MARCHF1: variants seen among roughly 807,000 people sequenced by gnomAD.
The protein encoded by MARCHF1 is membrane associated ring-CH-type finger 1.
In MARCHF1, 40 loss-of-function variants were observed where a neutral mutation model predicts 54.2. That is an observed-to-expected ratio of 0.74 (90% CI 0.57 to 0.96). The LOEUF (loss-of-function observed/expected upper bound fraction) is 0.96. MARCHF1 is among the 40% of genes least tolerant of loss of function. The pLI is 0.00. For synonymous variants in MARCHF1, 236 were observed against 236.3 expected, an observed-to-expected ratio of 1.00 and a Z score of 0.01; for missense variants, 586 against 656.5, an observed-to-expected ratio of 0.89 and a Z score of 1.17.
intron 2 of MARCHF1, among the ~76,000 whole-genome samples, chr4:164,078,740 T>A (rs986284232): frequency 2.0e-5 from 3 of 152,212 alleles, no homozygotes; most frequent in African/African-American, 7.2e-5. Context: ...TTATCTTGTT[T>A]ATTAAGAGAT....
chr4:164,155,529 A>C (rs1730054445), intron 1 of MARCHF1, among the ~76,000 whole-genome samples: 1 of 152,152 alleles, frequency 6.6e-6, no homozygotes, highest in Non-Finnish European at 1.5e-5. Context: ...CACACTTAAC[A>C]GTTCTTGTTA....
chr4:163,737,837 G>T lies in MARCHF1; in HGVS notation c.112-36974C>A, dbSNP rs529326187. Among the ~76,000 whole-genome samples the T allele has an allele frequency of 5.0e-5, 6 of 121,124 alleles. No homozygotes were observed. The East Asian group carries it at 1.2e-3, about 24-fold the overall frequency. 79.5% of individuals were successfully genotyped at this position (121,124 alleles called of 152,430 possible). Reference sequence around the variant, plus strand: ...GACTGTAAACTAGTTCAACCATTGTGGAAGTCAGTGTGGCGATTCCTCAGG... The same window carrying T: ...GACTGTAAACTAGTTCAACCATTGTTGAAGTCAGTGTGGCGATTCCTCAGG... On this transcript the variant is annotated intron_variant, in intron 4 of 9. Transcript: ENST00000514618.
chr4:163,753,718 G>A (rs1746589522), intron 4 of MARCHF1, among the ~76,000 whole-genome samples: 1 of 152,136 alleles, frequency 6.6e-6, no homozygotes, highest in Admixed American at 6.5e-5. Flanking sequence ...AATAGACAAA[G>A]AGCAAGCAAG....
At chr4:163,630,710 G>A (rs1220853309) in intron 5 of MARCHF1, among the ~76,000 whole-genome samples, 1 of 152,138 alleles carries the variant, frequency 6.6e-6, no homozygotes, top group Non-Finnish European at 1.5e-5. Flanking sequence ...TGTTCAAGGT[G>A]AGATATTATT....
At chr4:164,214,017 T>C (rs1308769862) in intron 1 of MARCHF1, among the ~76,000 whole-genome samples, 7 of 152,242 alleles carry the variant, frequency 4.6e-5, no homozygotes, top group African/African-American at 1.7e-4. Context: ...ATTGTATGTT[T>C]ATATAAAAAT....
chr4:164,361,438 A>G (rs978625718), intron 1 of MARCHF1, among the ~76,000 whole-genome samples: 2 of 152,150 alleles, frequency 1.3e-5, no homozygotes, highest in South Asian at 2.1e-4. Flanking sequence ...AAGAAATTGG[A>G]TGTCATTCCA....
At chr4:163,934,576 TA>T (rs551026107) in intron 3 of MARCHF1, among the ~76,000 whole-genome samples, 15,535 of 77,896 alleles carry the variant, frequency 0.2, 1,332 homozygotes, top group African/African-American at 0.25. Flanking sequence ...TCTTTTTAAG[TA>T]AAAAAAAAAA....
chr4:163,604,630 C>A (rs923847183), intron 7 of MARCHF1, among the ~76,000 whole-genome samples: 2 of 152,088 alleles, frequency 1.3e-5, no homozygotes, highest in South Asian at 4.1e-4. Flanking sequence ...TTGCTTAAAA[C>A]GCCTGCAGAA....
rs1173800012 is a variant in MARCHF1, at chr4:164,176,974, CTCTCTCTATATATA to C, written c.-322-65326_-322-65313del. Reference sequence around the variant, plus strand: ...TCTCTCTCTCTCTCTCTCTCTCTCTCTCTCTCTATATATATATATATATATATATATATATACAA... The same window carrying C: ...TCTCTCTCTCTCTCTCTCTCTCTCTCTATATATATATATATATATATACAA... On this transcript the variant is annotated intron_variant, in intron 1 of 9. Coordinates refer to ENST00000514618, the MANE Select transcript of MARCHF1 (RefSeq NM_001394959.1). Among the ~76,000 whole-genome samples, 29 of 29,968 alleles carry C rather than the reference CTCTCTCTATATATA, an allele frequency of 9.7e-4. 2 individuals carry two copies. Among genetic ancestry groups the C allele is most frequent in the African/African-American group, 1.3e-3 (10 of 7,836 alleles). 19.7% of individuals were successfully genotyped at this position (29,968 alleles called of 152,430 possible). A position where few individuals can be genotyped will look rare whatever the true frequency, so the allele number is the denominator to read the frequency against.
chr4:164,031,543 G>T (rs1280860690), intron 2 of MARCHF1, among the ~76,000 whole-genome samples: 2 of 152,018 alleles, frequency 1.3e-5, no homozygotes, highest in African/African-American at 4.8e-5. Context: ...AGCGTGAAGG[G>T]ATACTGAATT....
chr4:164,339,575 A>AT (rs1729854995), intron 1 of MARCHF1, among the ~76,000 whole-genome samples: 1 of 152,182 alleles, frequency 6.6e-6, no homozygotes, highest in Non-Finnish European at 1.5e-5. Flanking sequence ...AAAAGCAGTT[A>AT]TAAGAGGGAA....
At chr4:164,193,515 T>C (rs375329002) in intron 1 of MARCHF1, among the ~76,000 whole-genome samples, 5 of 152,072 alleles carry the variant, frequency 3.3e-5, no homozygotes, top group Non-Finnish European at 7.4e-5. Context: ...TCTTTTGGAA[T>C]AATGAGGACC....
At chr4:164,127,754 A>C (rs1401420725) in intron 1 of MARCHF1, among the ~76,000 whole-genome samples, 1 of 152,200 alleles carries the variant, frequency 6.6e-6, no homozygotes, top group East Asian at 1.9e-4. Flanking sequence ...CAAAGTAAAC[A>C]ATAAACATAA....
At chr4:163,633,912 A>T (rs1367190856) in intron 5 of MARCHF1, among the ~76,000 whole-genome samples, 1 of 152,222 alleles carries the variant, frequency 6.6e-6, no homozygotes, top group African/African-American at 2.4e-5. Flanking sequence ...CAGACACCCT[A>T]CAAGCCAGAA....
At chr4:163,761,845 C>T (rs549105076) in intron 4 of MARCHF1, among the ~76,000 whole-genome samples, 34 of 152,256 alleles carry the variant, frequency 2.2e-4, no homozygotes, top group Admixed American at 6.5e-5. Flanking sequence ...TCTTCACATT[C>T]GATTTGAGTA....
intron 4 of MARCHF1, among the ~76,000 whole-genome samples, chr4:163,712,497 G>A (rs1745134183): frequency 2.0e-5 from 3 of 152,088 alleles, no homozygotes; most frequent in Admixed American, 2.0e-4. Context: ...CATCCTTCAT[G>A]TAGAAGTGCT....
At chr4:163,646,368 C>T (rs1439200067) in intron 5 of MARCHF1, among the ~76,000 whole-genome samples, 4 of 151,974 alleles carry the variant, frequency 2.6e-5, no homozygotes, top group Admixed American at 2.6e-4. Flanking sequence ...TTATATTTGC[C>T]TCATCAAAAA....
chr4:163,954,984 G>A (rs1752203075), intron 3 of MARCHF1, among the ~76,000 whole-genome samples: 1 of 151,878 alleles, frequency 6.6e-6, no homozygotes, highest in Non-Finnish European at 1.5e-5. Context: ...CTGCCTCCGG[G>A]AAACCAATTC....
At chr4:163,731,806 C>G (rs55742306) in intron 4 of MARCHF1, among the ~76,000 whole-genome samples, 2,464 of 152,206 alleles carry the variant, frequency 0.016, 69 homozygotes, top group African/African-American at 0.057. Context: ...TCTTATAATT[C>G]GCAAGGAATC....
Sources: gnomAD v4.1 joint callset for allele counts (sites outside exome capture counted in the v4.1 genomes callset) on GRCh38, gnomAD v4.1.1 for gene constraint, MANE v1.5 for transcripts, NCBI Gene and HGNC (gene_info 2026-07-23, HGNC 2026-07-21) for gene names.